MARCHF1: variants seen among roughly 807,000 people sequenced by gnomAD.
MARCHF1 encodes the protein membrane associated ring-CH-type finger 1.
Under a neutral mutation model 54.2 loss-of-function variants are expected in MARCHF1, and 40 were observed. That is an observed-to-expected ratio of 0.74 (90% confidence interval 0.57 to 0.96). MARCHF1 has a LOEUF of 0.96. MARCHF1 is among the 40% of genes least tolerant of loss of function. The pLI is 0.00. For synonymous variants in MARCHF1, 236 were observed against 236.3 expected, an observed-to-expected ratio of 1.00 and a Z score of 0.01; for missense variants, 586 against 656.5, an observed-to-expected ratio of 0.89 and a Z score of 1.17.
intron 3 of MARCHF1, among the ~76,000 whole-genome samples, chr4:163,927,497 T>C (rs994838051): frequency 5.9e-5 from 9 of 151,838 alleles, no homozygotes; most frequent in Non-Finnish European, 1.3e-4. Flanking sequence ...AAATTTTAAG[T>C]CATAGAGGTG....
chr4:163,589,144 T>C (rs1166075221), intron 7 of MARCHF1, among the ~76,000 whole-genome samples: 1 of 151,888 alleles, frequency 6.6e-6, no homozygotes, highest in Non-Finnish European at 1.5e-5. Context: ...TCAAATGCTC[T>C]ACAGGCACCA....
chr4:163,704,215 T>A (rs1744887867), intron 4 of MARCHF1, among the ~76,000 whole-genome samples: 1 of 151,932 alleles, frequency 6.6e-6, no homozygotes, highest in Admixed American at 6.6e-5. Context: ...CCCCCCTTTT[T>A]TCAGGTTAAA....
intron 1 of MARCHF1, among the ~76,000 whole-genome samples, chr4:164,153,187 A>G (rs1282761557): frequency 5.3e-5 from 8 of 152,174 alleles, no homozygotes; most frequent in African/African-American, 1.9e-4. Flanking sequence ...ATACTAATGC[A>G]CACAAACAGA....
At chr4:163,871,825 G>T (rs927659315) in intron 3 of MARCHF1, among the ~76,000 whole-genome samples, 17 of 151,978 alleles carry the variant, frequency 1.1e-4, no homozygotes, top group African/African-American at 3.4e-4. Flanking sequence ...TTGATCCCAG[G>T]GATTCCTAGT....
intron 5 of MARCHF1, among the ~76,000 whole-genome samples, chr4:163,631,589 T>C (rs1428257957): frequency 1.4e-5 from 2 of 144,076 alleles, no homozygotes; most frequent in Non-Finnish European, 1.6e-5. Context: ...CCTATCTGTA[T>C]ACCTCTTCTG....
At chr4:163,961,012 GTCTGTCTC>G (rs1752336838) in intron 3 of MARCHF1, among the ~76,000 whole-genome samples, 1 of 151,786 alleles carries the variant, frequency 6.6e-6, no homozygotes, top group African/African-American at 2.4e-5. Flanking sequence ...GTTCCCTGAT[GTCTGTCTC>G]TCTGTCTCTC....
chr4:164,138,781 A>C (rs1196814826), intron 1 of MARCHF1, among the ~76,000 whole-genome samples: 1 of 152,182 alleles, frequency 6.6e-6, no homozygotes, highest in Non-Finnish European at 1.5e-5. Flanking sequence ...TGCTGGGAGA[A>C]GTTTCCAGCA....
chr4:164,003,429 T>A (rs1469566602), intron 2 of MARCHF1, among the ~76,000 whole-genome samples: 3 of 151,968 alleles, frequency 2.0e-5, no homozygotes, highest in Admixed American at 2.0e-4. Context: ...CAAACTACAG[T>A]AGTCAACGAA....
chr4:164,110,655 G>A (rs539502398), intron 2 of MARCHF1, among the ~76,000 whole-genome samples: 1 of 150,474 alleles, frequency 6.6e-6, no homozygotes, highest in African/African-American at 2.4e-5. Context: ...CATTTACTAT[G>A]AGGCGATACA....
intron 1 of MARCHF1, chr4:164,197,059 T>A: frequency 6.2e-7 from 1 of 1,606,146 alleles, no homozygotes; most frequent in Non-Finnish European, 8.5e-7. Context: ...TTCATCTTCC[T>A]CGCCATCTAC....
chr4:164,176,994 A>ACACATATG (rs1730704741), intron 1 of MARCHF1, among the ~76,000 whole-genome samples: 1 of 87,860 alleles, frequency 1.1e-5, no homozygotes, highest in African/African-American at 5.6e-5. Flanking sequence ...ATATATATAT[A>ACACATATG]TATATATATA....
chr4:163,949,427 C>A (rs1005077852), intron 3 of MARCHF1, among the ~76,000 whole-genome samples: 2 of 152,212 alleles, frequency 1.3e-5, no homozygotes, highest in African/African-American at 2.4e-5. Context: ...CAAAGGGCTG[C>A]AGCTCGTCTA....
intron 4 of MARCHF1, among the ~76,000 whole-genome samples, chr4:163,840,220 A>G (rs1239380547): frequency 6.6e-6 from 1 of 152,080 alleles, no homozygotes; most frequent in East Asian, 1.9e-4. Context: ...TATTCACTGT[A>G]ATGGTTTTAT....
intron 2 of MARCHF1, among the ~76,000 whole-genome samples, chr4:164,035,022 CA>C (rs1249922104): frequency 6.6e-6 from 1 of 152,028 alleles, no homozygotes; most frequent in Non-Finnish European, 1.5e-5. Flanking sequence ...TGTAATGTAT[CA>C]CATTATAAAG....
chr4:164,178,199 C>CCTAGTG (rs1461013873), intron 1 of MARCHF1, among the ~76,000 whole-genome samples: 1 of 152,108 alleles, frequency 6.6e-6, no homozygotes, highest in African/African-American at 2.4e-5. Context: ...TAACTTTGGA[C>CCTAGTG]CTAGTGGTGT....
chr4:164,135,427 C>A (rs1362802108), intron 1 of MARCHF1: 1 of 152,210 alleles, frequency 6.6e-6, no homozygotes, highest in Non-Finnish European at 1.5e-5. Context: ...CACAGTTCCA[C>A]AGGGTTGGGG....
intron 1 of MARCHF1, among the ~76,000 whole-genome samples, chr4:164,259,375 T>A (rs1012732074): frequency 6.2e-4 from 94 of 151,904 alleles, no homozygotes; most frequent in African/African-American, 2.2e-3. Flanking sequence ...AAACCCCATC[T>A]GTACTAAAAA....
chr4:163,601,088 A>G (rs540356422), intron 7 of MARCHF1, among the ~76,000 whole-genome samples: 10 of 152,326 alleles, frequency 6.6e-5, no homozygotes, highest in African/African-American at 2.4e-4. Flanking sequence ...CAAATTAGAT[A>G]CTAGTATTTA....
At chr4:163,983,434 A>C (rs1166884526) in intron 3 of MARCHF1, among the ~76,000 whole-genome samples, 1 of 152,178 alleles carries the variant, frequency 6.6e-6, no homozygotes, top group Non-Finnish European at 1.5e-5. Flanking sequence ...AATTTGAATA[A>C]AATGAATTCT....
Sources: gnomAD v4.1 joint callset for allele counts (sites outside exome capture counted in the v4.1 genomes callset) on GRCh38, gnomAD v4.1.1 for gene constraint, MANE v1.5 for transcripts, NCBI Gene and HGNC (gene_info 2026-07-23, HGNC 2026-07-21) for gene names.